The following PRND variants were observed in gnomAD, a reference collection of about 807,000 sequenced individuals.
PRND encodes prion-like protein doppel.
For synonymous variants in PRND, 94 were observed against 93.2 expected, an observed-to-expected ratio of 1.01 and a Z score of -0.05; for missense variants, 227 against 223.3, an observed-to-expected ratio of 1.02 and a Z score of -0.11.
At chr20:4,723,746 A>G (rs1923169544) in intron 1 of PRND, among the ~76,000 whole-genome samples, 2 of 152,140 alleles carry the variant, frequency 1.3e-5, no homozygotes, top group South Asian at 4.1e-4. Context: ...CCTGGGCAAC[A>G]TAGTGAGACC....
rs781588014 is a variant in PRND, at chr20:4,726,473, A to C, written c.*1391A>C. 1 of 167,116 alleles carries C rather than the reference A, an allele frequency of 6.0e-6. No individual in the cohort carries two copies. Among genetic ancestry groups the C allele is most frequent in the Non-Finnish European group, 1.5e-5 (1 of 68,126 alleles). 10.4% of individuals were successfully genotyped at this position (167,116 alleles called of 1,614,324 possible). ...GGAGACCCAATAAAGAATGCAATCCATGCCATAAGCAGGAGTTGATACACC... is the reference window on the plus strand; with the variant it reads ...GGAGACCCAATAAAGAATGCAATCCCTGCCATAAGCAGGAGTTGATACACC... On this transcript the variant is annotated 3_prime_UTR_variant, in exon 2 of 2. Coordinates refer to ENST00000305817, the MANE Select transcript of PRND (RefSeq NM_012409.4).
chr20:4,723,002 G>A (rs771088215), intron 1 of PRND, among the ~76,000 whole-genome samples: 2 of 152,170 alleles, frequency 1.3e-5, no homozygotes, highest in South Asian at 2.1e-4. Context: ...GGACCCTCCT[G>A]GTGTTCCCCC....
At position 4,722,852 on chromosome 20, in the gene PRND, G is replaced by A. The variant is rs112164700; in HGVS notation, c.-12+883G>A. Among the ~76,000 whole-genome samples the A allele has an allele frequency of 5.3e-3, 806 of 152,168 alleles. 5 individuals carry two copies. The highest frequency in any genetic ancestry group is 0.017 in the African/African-American group (707 of 41,512). ...CAGGTGCTAGAATGCCCTGACAGTC[G>A]GCCTTGGGAAGTGGATTTCCTTGAT... On this transcript the variant is annotated intron_variant, in intron 1 of 1. Transcript: ENST00000305817.
Position 4,724,814 on chromosome 20 carries a change from G to T in PRND, c.263G>T (p.Gly88Val). ...GCCAACTACTGGCAGTTCCCCGATGGCATCCACTACAACGGCTGCTCTGAG... is the reference window on the plus strand; with the variant it reads ...GCCAACTACTGGCAGTTCCCCGATGTCATCCACTACAACGGCTGCTCTGAG... Reference protein sequence around the residue: ...YEANYWQFPDGIHYNGCSEAN... With the variant: ...YEANYWQFPDVIHYNGCSEAN... The change falls in exon 2 of 2, where the codon GGC becomes GTC. Residue 88 changes from glycine (G) to valine (V), a missense_variant. Transcript: ENST00000305817. The surrounding 1 kb of genome is among the most constrained non-coding windows in gnomAD (Gnocchi z 4.8). The T allele has an allele frequency of 6.2e-7, 1 of 1,614,214 alleles. No individual in the cohort carries two copies. Among genetic ancestry groups the T allele is most frequent in the Non-Finnish European group, 8.5e-7 (1 of 1,180,040 alleles).
intron 1 of PRND, among the ~76,000 whole-genome samples, chr20:4,722,435 G>A (rs1438787615): frequency 6.6e-6 from 1 of 151,914 alleles, no homozygotes; most frequent in Admixed American, 6.6e-5. Flanking sequence ...AGAGAGAGTG[G>A]GGTGAGGGGG....
In PRND at chr20:4,724,464, T is replaced by A. The variant is rs1923199060; in HGVS notation, c.-11-77T>A. On this transcript the variant is annotated intron_variant, in intron 1 of 1. Coordinates refer to ENST00000305817, the MANE Select transcript of PRND (RefSeq NM_012409.4). The surrounding 1 kb of genome is among the most constrained non-coding windows in gnomAD (Gnocchi z 4.8). Reference sequence around the variant, plus strand: ...CAAGGATGCGATTCCTTCCTTAAAATCTCCTGCACTTGGGAGGGGGCAGGG... The same window carrying A: ...CAAGGATGCGATTCCTTCCTTAAAAACTCCTGCACTTGGGAGGGGGCAGGG... 1 of 1,551,748 alleles carries A rather than the reference T, an allele frequency of 6.4e-7. No individual in the cohort carries two copies. Among genetic ancestry groups the A allele is most frequent in the Admixed American group, 1.7e-5 (1 of 59,906 alleles).
In PRND at chr20:4,727,189, T is replaced by C. The variant is rs891928910; in HGVS notation, c.*2107T>C. The C allele has an allele frequency of 6.0e-6, 1 of 167,140 alleles. No homozygotes were observed. Among genetic ancestry groups the C allele is most frequent in the African/African-American group, 2.4e-5 (1 of 41,466 alleles). 10.4% of individuals were successfully genotyped at this position (167,140 alleles called of 1,614,324 possible). On this transcript the variant is annotated 3_prime_UTR_variant, in exon 2 of 2. Transcript: ENST00000305817. Reference sequence around the variant, plus strand: ...GTCAGCCAAATGACTTCATTTCTGATGTGAAAACGCTTAGGCCATGATGTC... The same window carrying C: ...GTCAGCCAAATGACTTCATTTCTGACGTGAAAACGCTTAGGCCATGATGTC...
At position 4,727,077 on chromosome 20, in the gene PRND, G is replaced by C. The variant is rs1056220535; in HGVS notation, c.*1995G>C. 1 of 166,950 alleles carries C rather than the reference G, an allele frequency of 6.0e-6. No homozygotes were observed. The highest frequency in any genetic ancestry group is 1.5e-5 in the Non-Finnish European group (1 of 68,086). 10.3% of individuals were successfully genotyped at this position (166,950 alleles called of 1,614,324 possible). A position where few individuals can be genotyped will look rare whatever the true frequency, so the allele number is the denominator to read the frequency against. The stretch of plus-strand genomic sequence containing the variant: ...AAAAAATAATAACCATGGCAAGAGA[G>C]AAAGAAAGAGAAAGTACTCAGAGGC... On this transcript the variant is annotated 3_prime_UTR_variant, in exon 2 of 2. Transcript: ENST00000305817.
Position 4,722,263 on chromosome 20 carries a change from A to G in PRND, c.-12+294A>G, listed in dbSNP as rs1191881564. On this transcript the variant is annotated intron_variant, in intron 1 of 1. Transcript: ENST00000305817. ...GCTGTGCTTTTATTTTTTTTATTTG[A>G]CTCACCTGAAATGATCTATTATGCC... Among the ~76,000 whole-genome samples the G allele has an allele frequency of 2.7e-5, 4 of 149,146 alleles. No individual in the cohort carries two copies. The East Asian group carries it at 7.8e-4, about 29-fold the overall frequency.
chr20:4,724,420 T>G lies in PRND; in HGVS notation c.-11-121T>G. 3 of 1,293,676 alleles carry G rather than the reference T, an allele frequency of 2.3e-6. No homozygotes were observed. Among genetic ancestry groups the G allele is most frequent in the South Asian group, 1.2e-5 (1 of 82,528 alleles). The allele number at this position is 1,293,676 out of a possible 1,614,324, so 80.1% of individuals were successfully genotyped here. On this transcript the variant is annotated intron_variant, in intron 1 of 1. Transcript: ENST00000305817. This position sits in a 1 kb window ranked among gnomAD's most constrained non-coding sequence, Gnocchi z 4.8. ...AAACATGGGGAAACAATTATGCTTT[T>G]GAGACCACATAAATAGCACAAGGAT...
At chr20:4,722,543 G>C (rs1052120055) in intron 1 of PRND, among the ~76,000 whole-genome samples, 8 of 151,896 alleles carry the variant, frequency 5.3e-5, no homozygotes, top group Admixed American at 4.6e-4. Flanking sequence ...GAGATGACTG[G>C]ATGTGCTTCT....
rs1051151149 is a variant in PRND, at chr20:4,727,390, G to A, written c.*2308G>A. 4 of 167,070 alleles carry A rather than the reference G, an allele frequency of 2.4e-5. No individual in the cohort carries two copies. Among genetic ancestry groups the A allele is most frequent in the African/African-American group, 4.8e-5 (2 of 41,426 alleles). 10.3% of individuals were successfully genotyped at this position (167,070 alleles called of 1,614,324 possible). Reference sequence around the variant, plus strand: ...TCTTGCTCAAGTTGATGAATCATGGGGTGGAATAAAGGCTGAGTTTAGTTT... The same window carrying A: ...TCTTGCTCAAGTTGATGAATCATGGAGTGGAATAAAGGCTGAGTTTAGTTT... On this transcript the variant is annotated 3_prime_UTR_variant, in exon 2 of 2. Transcript: ENST00000305817.
rs777973867 is a variant in PRND at position 4,724,266 on chromosome 20, G to A, written c.-11-275G>A. Among the ~76,000 whole-genome samples, 26 of 152,048 alleles carry A rather than the reference G, an allele frequency of 1.7e-4. No individual in the cohort carries two copies. The highest frequency in any genetic ancestry group is 4.3e-4 in the African/African-American group (18 of 41,480). The stretch of plus-strand genomic sequence containing the variant: ...TCACCACTCCTTTATTTTCCCATGC[G>A]TATTCAAAGCCACTATAATTGCCCT... On this transcript the variant is annotated intron_variant, in intron 1 of 1. Coordinates refer to ENST00000305817, the MANE Select transcript of PRND (RefSeq NM_012409.4). The surrounding 1 kb of genome is among the most constrained non-coding windows in gnomAD (Gnocchi z 4.8).
Position 4,722,535 on chromosome 20 carries a change from G to A in PRND, c.-12+566G>A, listed in dbSNP as rs148823158. On this transcript the variant is annotated intron_variant, in intron 1 of 1. Coordinates refer to ENST00000305817, the MANE Select transcript of PRND (RefSeq NM_012409.4). ...TGAGGCCTCTTTGCAGGCTTCTAGA[G>A]ATGACTGGATGTGCTTCTAGAGATC... Among the ~76,000 whole-genome samples, 1,002 of 152,016 alleles carry A rather than the reference G, an allele frequency of 6.6e-3. 8 individuals carry two copies. The highest frequency in any genetic ancestry group is 0.012 in the Non-Finnish European group (828 of 67,982).
chr20:4,724,105 TAC>T lies in PRND; in HGVS notation c.-11-414_-11-413del, dbSNP rs56927628. Among the ~76,000 whole-genome samples the T allele has an allele frequency of 9.3e-3, 1,381 of 148,022 alleles. 14 individuals carry two copies. The highest frequency in any genetic ancestry group is 0.026 in the African/African-American group (1,050 of 40,360). On this transcript the variant is annotated intron_variant, in intron 1 of 1. Transcript: ENST00000305817. The surrounding 1 kb of genome is among the most constrained non-coding windows in gnomAD (Gnocchi z 4.8). ...ATATATGTGTATATATATACGTGTATACACACACACACACACACACACATATA... is the reference window on the plus strand; with the variant it reads ...ATATATGTGTATATATATACGTGTATACACACACACACACACACACATATA...
intron 1 of PRND, among the ~76,000 whole-genome samples, chr20:4,723,385 A>C (rs1408495602): frequency 6.6e-6 from 1 of 152,228 alleles, no homozygotes; most frequent in Non-Finnish European, 1.5e-5. Flanking sequence ...GAAAGTATGC[A>C]ATAAAAAGCC....
rs141927158 is a variant in PRND at position 4,724,585 on chromosome 20, A to G, written c.34A>G (p.Thr12Ala). Residue 12 changes from threonine to alanine, a missense_variant, in exon 2 of 2, where the codon ACT (threonine) becomes GCT (alanine). By Grantham distance (58) the Thr-to-Ala change is moderately conservative. Transcript: ENST00000305817. This position sits in a 1 kb window ranked among gnomAD's most constrained non-coding sequence, Gnocchi z 4.8. ...RKHLSWWWLA[T>A]VCMLLFSHLS... ...GCACCTGAGCTGGTGGTGGCTGGCC[A>G]CTGTCTGCATGCTGCTCTTCAGCCA... The G allele has an allele frequency of 9.2e-5, 149 of 1,613,908 alleles. No individual in the cohort carries two copies. The highest frequency in any genetic ancestry group is 3.3e-4 in the Middle Eastern group (2 of 6,082).
chr20:4,724,982 A>G lies in PRND; in HGVS notation c.431A>G (p.His144Arg), dbSNP rs755362154. ...RLVQELCSLK[H>R]CEFWLERGAG... ...GTCCAGGAGCTCTGCTCCCTCAAGC[A>G]TTGCGAGTTTTGGTTGGAGAGGGGC... Residue 144 changes from histidine (H) to arginine (R), a missense_variant, in exon 2 of 2, where the codon CAT (histidine) becomes CGT (arginine). Physicochemically the swap from His to Arg is conservative, Grantham distance 29 (BLOSUM62 0). Coordinates refer to ENST00000305817, the MANE Select transcript of PRND (RefSeq NM_012409.4). This position sits in a 1 kb window ranked among gnomAD's most constrained non-coding sequence, Gnocchi z 4.8. The G allele has an allele frequency of 2.5e-6, 4 of 1,613,850 alleles. No homozygotes were observed. Among genetic ancestry groups the G allele is most frequent in the Non-Finnish European group, 2.5e-6 (3 of 1,179,916 alleles).
In PRND at chr20:4,728,020, T is replaced by C. The variant is rs1472989649; in HGVS notation, c.*2938T>C. Reference sequence around the variant, plus strand: ...CCAGGCTGGTCTCGAACTCCTGACATCAGGTGATCCACCTGCCTCGGCCTC... The same window carrying C: ...CCAGGCTGGTCTCGAACTCCTGACACCAGGTGATCCACCTGCCTCGGCCTC... On this transcript the variant is annotated 3_prime_UTR_variant, in exon 2 of 2. Transcript: ENST00000305817. The C allele has an allele frequency of 1.8e-5, 3 of 164,470 alleles. No homozygotes were observed. Among genetic ancestry groups the C allele is most frequent in the Non-Finnish European group, 2.9e-5 (2 of 68,126 alleles). The allele number at this position is 164,470 out of a possible 1,614,324, so 10.2% of individuals were successfully genotyped here.
Sources: gnomAD v4.1 joint callset for allele counts (sites outside exome capture counted in the v4.1 genomes callset) on GRCh38, gnomAD v4.1.1 for gene constraint, Gnocchi (gnomAD v3.1) non-coding constraint, MANE v1.5 for transcripts, NCBI Gene and HGNC (gene_info 2026-07-23, HGNC 2026-07-21) for gene names.